TNS3: variants seen among roughly 807,000 people sequenced by gnomAD.
TNS3 encodes tensin 3.
Under a neutral mutation model 140.9 loss-of-function variants are expected in TNS3, and 45 were observed. The observed-to-expected ratio is 0.32, with a 90% CI of 0.25 to 0.41. The LOEUF (loss-of-function observed/expected upper bound fraction) is 0.41. Ranked by LOEUF, TNS3 falls within the 10% of genes least tolerant of loss-of-function variation. TNS3 has a pLI of 1.00. For missense variants in TNS3, 1,716 were observed against 1,906.7 expected (o/e 0.90, Z 1.86); for synonymous variants, 815 against 788.4 (o/e 1.03, Z -0.56).
intron 1 of TNS3, among the ~76,000 whole-genome samples, chr7:47,565,075 T>A (rs1800399782): frequency 6.6e-6 from 1 of 151,578 alleles, no homozygotes. Flanking sequence ...TTGATTTTTT[T>A]ATTTCTATTT....
rs555067538 is a variant in TNS3 at position 47,293,266 on chromosome 7, C to G, written c.3773-361G>C. On this transcript the variant is annotated intron_variant, in intron 25 of 30. Coordinates refer to ENST00000311160, the MANE Select transcript of TNS3 (RefSeq NM_022748.12). ...CTGCACAATGCTTCTTAACAAAGCT[C>G]TAATAACAATGATGCCTAAGGCTGC... 2.5e-4 allele frequency among the ~76,000 whole-genome samples: 38 copies of G among 152,302 alleles called. No individual in the cohort carries two copies. In the East Asian group the frequency reaches 5.6e-3, roughly 22 times the overall value.
intron 27 of TNS3, among the ~76,000 whole-genome samples, chr7:47,288,933 T>C (rs1229258045): frequency 1.3e-5 from 2 of 152,210 alleles, no homozygotes; most frequent in African/African-American, 2.4e-5. Flanking sequence ...CGGAAACCCA[T>C]GACCACAGCT....
intron 27 of TNS3, among the ~76,000 whole-genome samples, chr7:47,284,099 T>G (rs946682608): frequency 2.0e-5 from 3 of 152,216 alleles, no homozygotes; most frequent in Admixed American, 1.3e-4. Flanking sequence ...AGCGAGTTAC[T>G]AGAGCAAAGC....
intron 8 of TNS3, among the ~76,000 whole-genome samples, chr7:47,429,671 G>C (rs1018814954): frequency 2.0e-5 from 3 of 152,136 alleles, no homozygotes; most frequent in African/African-American, 7.2e-5. Context: ...CACCGCACCC[G>C]GCCTAATCTG....
intron 2 of TNS3, among the ~76,000 whole-genome samples, chr7:47,516,972 A>G (rs1398527234): frequency 1.3e-5 from 2 of 152,206 alleles, no homozygotes; most frequent in East Asian, 1.9e-4. Flanking sequence ...CTGAGGCAGG[A>G]GAATCACTTG....
intron 4 of TNS3, among the ~76,000 whole-genome samples, chr7:47,454,463 G>C (rs1033130619): frequency 6.6e-6 from 1 of 152,180 alleles, no homozygotes; most frequent in African/African-American, 2.4e-5. Flanking sequence ...GATCTCTGTG[G>C]GGACTAAGAA....
chr7:47,396,939 T>C (rs767783829), intron 15 of TNS3, 35 bp from the exon 16 acceptor site: 1 of 1,532,102 alleles, frequency 6.5e-7, no homozygotes, highest in Non-Finnish European at 9.0e-7. Context: ...TTAGTCCCAG[T>C]GAAACCCATC....
At chr7:47,306,597 C>T (rs974102358) in intron 20 of TNS3, among the ~76,000 whole-genome samples, 1 of 150,688 alleles carries the variant, frequency 6.6e-6, no homozygotes, top group African/African-American at 2.5e-5. Context: ...TTTTTGGAGA[C>T]GGAGTCTCGC....
At chr7:47,370,990 G>C (rs545839100) in intron 16 of TNS3, among the ~76,000 whole-genome samples, 1 of 152,330 alleles carries the variant, frequency 6.6e-6, no homozygotes, top group South Asian at 2.1e-4. Context: ...GGGGTGTGGT[G>C]CTGAAAACGC....
intron 16 of TNS3, among the ~76,000 whole-genome samples, chr7:47,389,050 A>G (rs1483226938): frequency 0.026 from 928 of 35,444 alleles, 125 homozygotes; most frequent in African/African-American, 0.056. Flanking sequence ...AAGAAGAAGA[A>G]GAAGAAGAAG....
chr7:47,507,070 G>T, intron 2 of TNS3, 126 bp from the exon 3 acceptor site: 1 of 697,256 alleles, frequency 1.4e-6, no homozygotes, highest in Non-Finnish European at 2.1e-6. Flanking sequence ...GCCTCTCTCT[G>T]GCACGAGAGA....
intron 17 of TNS3, among the ~76,000 whole-genome samples, chr7:47,352,508 C>T (rs370956726): frequency 1.3e-5 from 2 of 152,232 alleles, no homozygotes; most frequent in South Asian, 2.1e-4. Flanking sequence ...CTGGCCCCAC[C>T]TCATCACCCT....
intron 4 of TNS3, among the ~76,000 whole-genome samples, chr7:47,478,726 A>G (rs925024520): frequency 1.3e-5 from 2 of 152,098 alleles, no homozygotes; most frequent in Admixed American, 6.5e-5. Context: ...TAACTCTCAT[A>G]TGTATGGCAC....
At chr7:47,523,873 G>A (rs1799080151) in intron 2 of TNS3, among the ~76,000 whole-genome samples, 2 of 152,194 alleles carry the variant, frequency 1.3e-5, no homozygotes. Flanking sequence ...CCCTACTGAA[G>A]CCCACCAGGC....
chr7:47,460,681 A>T (rs549122181), intron 4 of TNS3, among the ~76,000 whole-genome samples: 1 of 152,396 alleles, frequency 6.6e-6, no homozygotes, highest in South Asian at 2.1e-4. Context: ...GCCCCTAGCC[A>T]CACGTGGAAA....
intron 3 of TNS3, among the ~76,000 whole-genome samples, chr7:47,503,824 G>T (rs926945920): frequency 6.6e-6 from 1 of 152,126 alleles, no homozygotes; most frequent in Admixed American, 6.5e-5. Context: ...TCAGTGTCTG[G>T]TGTGGGCCCT....
intron 4 of TNS3, among the ~76,000 whole-genome samples, chr7:47,458,167 T>C (rs1197272769): frequency 6.6e-6 from 1 of 152,236 alleles, no homozygotes; most frequent in Non-Finnish European, 1.5e-5. Context: ...CCTTGGTATC[T>C]AACTGACCCG....
intron 9 of TNS3, among the ~76,000 whole-genome samples, chr7:47,426,139 G>A (rs1327342255): frequency 6.6e-6 from 1 of 152,020 alleles, no homozygotes; most frequent in Non-Finnish European, 1.5e-5. Flanking sequence ...AAAATTAGCT[G>A]GGCATAGTGG....
At chr7:47,357,756 C>T (rs561208646) in intron 17 of TNS3, among the ~76,000 whole-genome samples, 4 of 151,660 alleles carry the variant, frequency 2.6e-5, no homozygotes, top group Non-Finnish European at 4.4e-5. Context: ...CAACAGAAGG[C>T]GGAAGGGGGG....
Sources: allele counts gnomAD v4.1 joint callset (sites outside exome capture counted in the v4.1 genomes callset), GRCh38; gene constraint gnomAD v4.1.1; transcripts MANE v1.5; gene names NCBI Gene and HGNC (gene_info 2026-07-23, HGNC 2026-07-21).